The following CSMD1 variants were observed in gnomAD, a reference collection of about 807,000 sequenced individuals.
CSMD1 encodes CUB and Sushi multiple domains 1, also known as CUB and sushi domain-containing protein 1.
A neutral mutation model predicts 417.5 loss-of-function variants in CSMD1; 213 were observed. That is an observed-to-expected ratio of 0.51 (90% confidence interval 0.46 to 0.57). The LOEUF (loss-of-function observed/expected upper bound fraction) is 0.57, where lower values mean the gene tolerates loss of function less well. CSMD1 is among the 20% of genes least tolerant of loss of function. CSMD1 has a pLI of 0.00. For missense variants in CSMD1, 6,923 were observed against 4,529.7 expected (o/e 1.53, Z -15.17); for synonymous variants, 2,862 against 1,736.8 (o/e 1.65, Z -16.11).
At chr8:4,023,165 CT>C (rs1367980671) in intron 4 of CSMD1, among the ~76,000 whole-genome samples, 1 of 152,184 alleles carries the variant, frequency 6.6e-6, no homozygotes, top group Non-Finnish European at 1.5e-5. Flanking sequence ...AACTCAAGTT[CT>C]TCCTTTTCAC....
intron 2 of CSMD1, among the ~76,000 whole-genome samples, chr8:4,538,789 A>C (rs1223878975): frequency 1.3e-5 from 2 of 152,232 alleles, no homozygotes; most frequent in Non-Finnish European, 1.5e-5. Flanking sequence ...TTTTACAGAT[A>C]AGGAAACAGA....
chr8:4,706,974 C>A (rs1480344653), intron 1 of CSMD1, among the ~76,000 whole-genome samples: 1 of 152,150 alleles, frequency 6.6e-6, no homozygotes, highest in Non-Finnish European at 1.5e-5. Context: ...GTTAGAGTGA[C>A]AGGGACAAAG....
At chr8:3,648,652 C>G (rs1797695379) in intron 7 of CSMD1, among the ~76,000 whole-genome samples, 1 of 152,168 alleles carries the variant, frequency 6.6e-6, no homozygotes, top group African/African-American at 2.4e-5. Context: ...GACAAACTGA[C>G]CTTACTTTGA....
intron 26 of CSMD1, among the ~76,000 whole-genome samples, chr8:3,233,212 G>A (rs76414384): frequency 0.053 from 8,049 of 152,140 alleles, 353 homozygotes; most frequent in South Asian, 0.22. Context: ...ATTGGGAGGT[G>A]AGGCCTTTAA....
At chr8:3,109,805 C>G (rs1816383013) in intron 43 of CSMD1, among the ~76,000 whole-genome samples, 1 of 151,580 alleles carries the variant, frequency 6.6e-6, no homozygotes, top group Admixed American at 6.6e-5. Context: ...CACAAACACA[C>G]ACGTAAGCCA....
At chr8:4,553,027 AC>A (rs1255396165) in intron 2 of CSMD1, among the ~76,000 whole-genome samples, 4 of 152,342 alleles carry the variant, frequency 2.6e-5, no homozygotes, top group African/African-American at 7.2e-5. Flanking sequence ...AACATGAAGC[AC>A]GTTAATAATA....
At chr8:3,120,785 T>C (rs1817159893) in intron 41 of CSMD1, among the ~76,000 whole-genome samples, 1 of 152,050 alleles carries the variant, frequency 6.6e-6, no homozygotes, top group African/African-American at 2.4e-5. Flanking sequence ...AGCAGAAGGT[T>C]GCAGTGAGCC....
intron 4 of CSMD1, among the ~76,000 whole-genome samples, chr8:4,011,555 G>C (rs567300257): frequency 6.6e-6 from 1 of 152,090 alleles, no homozygotes; most frequent in Non-Finnish European, 1.5e-5. Flanking sequence ...GTCAGCCACA[G>C]CCAGAAATCC....
At chr8:3,742,604 T>C (rs1796867874) in intron 6 of CSMD1, among the ~76,000 whole-genome samples, 1 of 152,142 alleles carries the variant, frequency 6.6e-6, no homozygotes. Flanking sequence ...TGCTTCACCC[T>C]AGGACGTGCC....
In CSMD1 at chr8:4,609,685, C is replaced by T. The variant is rs569255553; in HGVS notation, c.302+27657G>A. ...CAAAGATTTTACGCTGCAGATTGTA[C>T]AGGAAACATTGCCAATTTTAGAGCA... On this transcript the variant is annotated intron_variant, in intron 2 of 69. Transcript: ENST00000635120. 3.3e-5 allele frequency among the ~76,000 whole-genome samples: 5 copies of T among 152,080 alleles called. No homozygotes were observed. In the East Asian group the frequency reaches 9.7e-4, roughly 30 times the overall value.
rs180672315 is a variant in CSMD1 at position 4,010,017 on chromosome 8, G to C, written c.611-11907C>G. On this transcript the variant is annotated intron_variant, in intron 4 of 69. Coordinates refer to ENST00000635120, the MANE Select transcript of CSMD1 (RefSeq NM_033225.6). ...TAATCTTAATTCTTCCTATGCTCCT[G>C]AATGTCTCCTACTACTTCCTCGAAA... Among the ~76,000 whole-genome samples, 17 of 152,232 alleles carry C rather than the reference G, an allele frequency of 1.1e-4. No homozygotes were observed. The East Asian group carries it at 3.3e-3, about 29-fold the overall frequency.
intron 1 of CSMD1, among the ~76,000 whole-genome samples, chr8:4,767,029 A>G (rs2117126510): frequency 6.6e-6 from 1 of 152,356 alleles, no homozygotes; most frequent in Non-Finnish European, 1.5e-5. Flanking sequence ...TATGGATACA[A>G]CTAAATAATA....
At chr8:4,071,075 T>C (rs866937297) in intron 3 of CSMD1, among the ~76,000 whole-genome samples, 1 of 152,320 alleles carries the variant, frequency 6.6e-6, no homozygotes, top group Non-Finnish European at 1.5e-5. Flanking sequence ...TGGTTATGGT[T>C]TCTTTGCAGT....
intron 7 of CSMD1, among the ~76,000 whole-genome samples, chr8:3,683,236 AAAAAT>A: frequency 6.6e-6 from 1 of 151,546 alleles, no homozygotes; most frequent in Non-Finnish European, 1.5e-5. Flanking sequence ...TAAAATAATA[AAAAAT>A]AAATAAAAAA....
At chr8:4,601,231 C>T (rs1276906883) in intron 2 of CSMD1, among the ~76,000 whole-genome samples, 4 of 152,202 alleles carry the variant, frequency 2.6e-5, no homozygotes, top group Non-Finnish European at 5.9e-5. Context: ...GCCGGGATTA[C>T]AGGCGTGAGC....
At chr8:4,302,828 G>C (rs1798049872) in intron 3 of CSMD1, among the ~76,000 whole-genome samples, 1 of 152,088 alleles carries the variant, frequency 6.6e-6, no homozygotes, top group African/African-American at 2.4e-5. Context: ...CAGGGTCCTA[G>C]TGACCCTGTG....
chr8:4,208,354 G>A (rs1045421078), intron 3 of CSMD1, among the ~76,000 whole-genome samples: 5 of 152,156 alleles, frequency 3.3e-5, no homozygotes, highest in Admixed American at 6.5e-5. Flanking sequence ...CCTTCCTGGA[G>A]TAAGAGGGAA....
intron 3 of CSMD1, among the ~76,000 whole-genome samples, chr8:4,300,233 A>G (rs540146545): frequency 6.6e-6 from 1 of 152,370 alleles, no homozygotes. Context: ...ATAATGTATA[A>G]AGTCGTTTGT....
intron 12 of CSMD1, among the ~76,000 whole-genome samples, chr8:3,441,466 C>T (rs182289171): frequency 6.7e-6 from 1 of 149,096 alleles, no homozygotes; most frequent in African/African-American, 2.5e-5. Context: ...AAGGAAAACA[C>T]TTCATTTGCT....
Sources: allele counts gnomAD v4.1 joint callset (sites outside exome capture counted in the v4.1 genomes callset), GRCh38; gene constraint gnomAD v4.1.1; transcripts MANE v1.5; gene names NCBI Gene and HGNC (gene_info 2026-07-23, HGNC 2026-07-21).